The following CNTN5 variants were observed in gnomAD, a reference collection of about 807,000 sequenced individuals.
CNTN5 encodes contactin-5.
CNTN5 carries 77 observed loss-of-function variants against 129.1 expected under a neutral mutation model. That is an observed-to-expected ratio of 0.60 (90% CI 0.50 to 0.72). The LOEUF (loss-of-function observed/expected upper bound fraction) is 0.72. Among genes scored for constraint, CNTN5 ranks in the 30% least tolerant of loss-of-function variants. The pLI is 0.00. For synonymous variants in CNTN5, 509 were observed against 465.6 expected (o/e 1.09, Z -1.20); for missense variants, 1,478 against 1,328.8 (o/e 1.11, Z -1.75).
rs566104684 is a variant in CNTN5 at position 100,046,479 on chromosome 11, C to A, written c.981-14733C>A. Among the ~76,000 whole-genome samples, 7 of 152,026 alleles carry A rather than the reference C, an allele frequency of 4.6e-5. No homozygotes were observed. The South Asian group carries it at 1.2e-3, about 27-fold the overall frequency. ...TTAACATACATTCTTTATTTTTCTT[C>A]TTTTTTTAACATTGCTAAGATTGCA... is the stretch of plus-strand genomic sequence containing the variant. On this transcript the variant is annotated intron_variant, in intron 9 of 24. Transcript: ENST00000524871.
At chr11:100,258,127 A>G (rs989960648) in intron 17 of CNTN5, among the ~76,000 whole-genome samples, 1 of 152,198 alleles carries the variant, frequency 6.6e-6, no homozygotes, top group Non-Finnish European at 1.5e-5. Flanking sequence ...CAGCACGAGG[A>G]CTTTGTGAAG....
At chr11:99,407,641 T>A (rs1942139016) in intron 2 of CNTN5, among the ~76,000 whole-genome samples, 1 of 152,162 alleles carries the variant, frequency 6.6e-6, no homozygotes, top group South Asian at 2.1e-4. Flanking sequence ...CTCACCTAGG[T>A]GTTACAGTTC....
chr11:99,628,590 A>G (rs576759043), intron 3 of CNTN5, among the ~76,000 whole-genome samples: 28 of 149,952 alleles, frequency 1.9e-4, no homozygotes, highest in African/African-American at 6.4e-4. Flanking sequence ...CCATTGGCCA[A>G]GAAACAGAAA....
At chr11:99,158,325 C>A (rs1048831216) in intron 1 of CNTN5, among the ~76,000 whole-genome samples, 1 of 152,048 alleles carries the variant, frequency 6.6e-6, no homozygotes, top group African/African-American at 2.4e-5. Flanking sequence ...GCTTCATGTG[C>A]ATGAAATGTT....
chr11:100,094,024 C>T (rs1481694290), intron 13 of CNTN5, among the ~76,000 whole-genome samples: 2 of 151,986 alleles, frequency 1.3e-5, no homozygotes, highest in African/African-American at 2.4e-5. Flanking sequence ...TTACCTGAAA[C>T]CAGACATATT....
intron 3 of CNTN5, among the ~76,000 whole-genome samples, chr11:99,750,680 A>G (rs1029918928): frequency 6.6e-6 from 1 of 152,180 alleles, no homozygotes; most frequent in Non-Finnish European, 1.5e-5. Context: ...TCCTTAAGAG[A>G]CAGAAGAATT....
intron 1 of CNTN5, among the ~76,000 whole-genome samples, chr11:99,063,369 G>C (rs1864964387): frequency 6.6e-6 from 1 of 151,990 alleles, no homozygotes; most frequent in African/African-American, 2.4e-5. Context: ...GAACCAGGAT[G>C]AAATAAGAGC....
chr11:100,026,783 T>C (rs979207054), intron 9 of CNTN5, among the ~76,000 whole-genome samples: 11 of 152,200 alleles, frequency 7.2e-5, no homozygotes, highest in African/African-American at 2.7e-4. Context: ...TAGTAGTCTT[T>C]TATCAGATGT....
At chr11:99,186,545 C>T in intron 1 of CNTN5, among the ~76,000 whole-genome samples, 1 of 151,868 alleles carries the variant, frequency 6.6e-6, no homozygotes, top group East Asian at 1.9e-4. Flanking sequence ...TATTTTAATT[C>T]AAATTGAGTT....
intron 7 of CNTN5, among the ~76,000 whole-genome samples, chr11:99,917,092 T>A (rs1487663863): frequency 6.6e-6 from 1 of 152,150 alleles, no homozygotes; most frequent in Non-Finnish European, 1.5e-5. Flanking sequence ...GACTTCTTTA[T>A]CTTTATCTGA....
chr11:99,324,533 G>C (rs1199411221), intron 1 of CNTN5, among the ~76,000 whole-genome samples: 3 of 152,126 alleles, frequency 2.0e-5, no homozygotes, highest in Non-Finnish European at 4.4e-5. Context: ...ATATGTATGG[G>C]TAGCTACGCT....
chr11:100,183,237 CA>C (rs1322931302), intron 13 of CNTN5, among the ~76,000 whole-genome samples: 1 of 152,114 alleles, frequency 6.6e-6, no homozygotes, highest in Non-Finnish European at 1.5e-5. Context: ...CTAGTCATTG[CA>C]ATCTTAAATA....
At chr11:99,077,943 A>G (rs1311833490) in intron 1 of CNTN5, among the ~76,000 whole-genome samples, 1 of 152,184 alleles carries the variant, frequency 6.6e-6, no homozygotes, top group Non-Finnish European at 1.5e-5. Context: ...TCTTTATAGC[A>G]GTATGAAAAT....
chr11:99,867,241 A>G (rs546647738), intron 6 of CNTN5, among the ~76,000 whole-genome samples: 53 of 152,280 alleles, frequency 3.5e-4, no homozygotes, highest in African/African-American at 1.2e-3. Flanking sequence ...TCTTCTTTTC[A>G]CATAGGAAAG....
At position 99,956,706 on chromosome 11, in the gene CNTN5, T is replaced by C; in HGVS notation, c.674-100T>C. The C allele has an allele frequency of 5.3e-6, 4 of 761,024 alleles. No individual in the cohort carries two copies. The East Asian group carries it at 1.0e-4, about 20-fold the overall frequency. 47.1% of individuals were successfully genotyped at this position (761,024 alleles called of 1,614,324 possible). ...TACATGGATCAAATATGTATGACCT[T>C]GCAATATATCTAATGCTTTCTAAAG... On this transcript the variant is annotated intron_variant, in intron 7 of 24. Transcript: ENST00000524871.
chr11:99,514,285 A>G (rs1946959039), intron 2 of CNTN5, among the ~76,000 whole-genome samples: 1 of 152,106 alleles, frequency 6.6e-6, no homozygotes, highest in Non-Finnish European at 1.5e-5. Flanking sequence ...CTTGAGATGG[A>G]AACTACTCCT....
intron 8 of CNTN5, among the ~76,000 whole-genome samples, chr11:99,992,503 G>A (rs1360790827): frequency 6.6e-6 from 1 of 152,140 alleles, no homozygotes; most frequent in African/African-American, 2.4e-5. Context: ...TCAGAGTAAA[G>A]AAAGGTCCAT....
intron 2 of CNTN5, among the ~76,000 whole-genome samples, chr11:99,401,676 T>C (rs994794507): frequency 2.6e-5 from 4 of 152,180 alleles, no homozygotes; most frequent in African/African-American, 9.7e-5. Flanking sequence ...GTGGGTAGTA[T>C]GGACATTTTA....
chr11:99,089,238 T>G (rs1044748567), intron 1 of CNTN5, among the ~76,000 whole-genome samples: 2 of 152,112 alleles, frequency 1.3e-5, no homozygotes, highest in Non-Finnish European at 2.9e-5. Flanking sequence ...AAATATTTTA[T>G]AAACAATTAT....
Sources: gnomAD v4.1 joint callset for allele counts (sites outside exome capture counted in the v4.1 genomes callset) on GRCh38, gnomAD v4.1.1 for gene constraint, MANE v1.5 for transcripts, NCBI Gene and HGNC (gene_info 2026-07-23, HGNC 2026-07-21) for gene names.